HS3ST4: variants seen among roughly 807,000 people sequenced by gnomAD.
HS3ST4 encodes the protein heparan sulfate-glucosamine 3-sulfotransferase 4.
Under a neutral mutation model 29.2 loss-of-function variants are expected in HS3ST4, and 17 were observed. The ratio of observed to expected loss-of-function variants is 0.58; its 90% CI spans 0.40 to 0.87. The LOEUF is 0.87. Among genes scored for constraint, HS3ST4 ranks in the 40% least tolerant of loss-of-function variants. HS3ST4 has a pLI of 0.00. For missense variants in HS3ST4, 627 were observed against 634.5 expected, an observed-to-expected ratio of 0.99 and a Z score of 0.13; for synonymous variants, 314 against 285.7, an observed-to-expected ratio of 1.10 and a Z score of -1.00.
chr16:26,084,977 A>G (rs978679749), intron 1 of HS3ST4, among the ~76,000 whole-genome samples: 2 of 152,158 alleles, frequency 1.3e-5, no homozygotes, highest in Admixed American at 6.5e-5. Context: ...TGCTAATAGC[A>G]TAATGCTCCC....
chr16:25,844,325 T>G (rs540387039), intron 1 of HS3ST4, among the ~76,000 whole-genome samples: 3 of 152,220 alleles, frequency 2.0e-5, no homozygotes, highest in African/African-American at 7.2e-5. Context: ...AACTAGAAAT[T>G]TATTTTTATT....
Position 25,692,744 on chromosome 16 carries a change from G to T in HS3ST4, c.327G>T (p.Gly109=). 7.7e-7 allele frequency: 1 copy of T among 1,290,946 alleles called. No individual in the cohort carries two copies. The highest frequency in any genetic ancestry group is 9.8e-7 in the Non-Finnish European group (1 of 1,024,108). 80.0% of individuals were successfully genotyped at this position (1,290,946 alleles called of 1,614,324 possible). A position where few individuals can be genotyped will look rare whatever the true frequency, so the allele number is the denominator to read the frequency against. The stretch of plus-strand genomic sequence containing the variant: ...CGCCGCTGGACAACGCGAGCCACGG[G>T]GAGCCGCCCGAGCCCCCAGAGCAGC... ...APPPLDNASH[G]EPPEPPEQPA... Residue 109 remains glycine (G), a synonymous_variant, in exon 1 of 2, where the codon GGG becomes GGT. Coordinates refer to ENST00000331351, the MANE Select transcript of HS3ST4 (RefSeq NM_006040.3).
At chr16:25,956,977 A>C (rs1052511967) in intron 1 of HS3ST4, among the ~76,000 whole-genome samples, 3 of 148,306 alleles carry the variant, frequency 2.0e-5, no homozygotes, top group Non-Finnish European at 3.0e-5. Context: ...CAGCCTGGGC[A>C]ACAGAGCGAG....
At chr16:25,863,287 T>A (rs538210813) in intron 1 of HS3ST4, among the ~76,000 whole-genome samples, 1 of 152,254 alleles carries the variant, frequency 6.6e-6, no homozygotes, top group East Asian at 1.9e-4. Context: ...TTCACCATGT[T>A]GGCCAGGATG....
chr16:25,926,583 G>A (rs1054500427), intron 1 of HS3ST4, among the ~76,000 whole-genome samples: 2 of 152,210 alleles, frequency 1.3e-5, no homozygotes, highest in Non-Finnish European at 2.9e-5. Flanking sequence ...TGTGCCAGAT[G>A]CCTGCTCAGT....
At chr16:26,120,795 A>T (rs966197794) in intron 1 of HS3ST4, among the ~76,000 whole-genome samples, 14 of 152,266 alleles carry the variant, frequency 9.2e-5, no homozygotes, top group African/African-American at 3.4e-4. Context: ...CACAAGGAAG[A>T]AACACATACA....
At chr16:25,714,242 C>T (rs74014823) in intron 1 of HS3ST4, among the ~76,000 whole-genome samples, 394 of 152,308 alleles carry the variant, frequency 2.6e-3, no homozygotes, top group African/African-American at 9.1e-3. Context: ...ACTCTCTCCA[C>T]GGCTCATCAT....
chr16:26,121,719 G>A (rs1033982195), intron 1 of HS3ST4, among the ~76,000 whole-genome samples: 1 of 152,118 alleles, frequency 6.6e-6, no homozygotes, highest in African/African-American at 2.4e-5. Flanking sequence ...AAGCACGAGT[G>A]CCTGTGCAGA....
chr16:26,028,580 G>C (rs539817229), intron 1 of HS3ST4, among the ~76,000 whole-genome samples: 16 of 152,102 alleles, frequency 1.1e-4, no homozygotes, highest in Non-Finnish European at 1.9e-4. Flanking sequence ...CCTGAGAGAG[G>C]CTTCTTGATC....
At chr16:25,781,278 T>C (rs953307815) in intron 1 of HS3ST4, among the ~76,000 whole-genome samples, 2 of 152,184 alleles carry the variant, frequency 1.3e-5, no homozygotes, top group Non-Finnish European at 1.5e-5. Flanking sequence ...AGTAGGCTCT[T>C]TTGCTCATGA....
At chr16:26,080,223 A>G (rs1284389957) in intron 1 of HS3ST4, among the ~76,000 whole-genome samples, 1 of 151,988 alleles carries the variant, frequency 6.6e-6, no homozygotes, top group Non-Finnish European at 1.5e-5. Flanking sequence ...TCACCAACCA[A>G]CACTTTTAGG....
At chr16:25,824,509 C>T (rs192513645) in intron 1 of HS3ST4, among the ~76,000 whole-genome samples, 26 of 152,224 alleles carry the variant, frequency 1.7e-4, no homozygotes, top group East Asian at 9.7e-4. Flanking sequence ...AGAGCTTGTG[C>T]GGGGGAGCTC....
chr16:25,873,506 C>T (rs1378304199), intron 1 of HS3ST4, among the ~76,000 whole-genome samples: 1 of 150,004 alleles, frequency 6.7e-6, no homozygotes, highest in African/African-American at 2.5e-5. Flanking sequence ...ATCTATCTAT[C>T]TATCTATCTA....
chr16:25,763,476 T>C (rs1966801092), intron 1 of HS3ST4, among the ~76,000 whole-genome samples: 1 of 152,180 alleles, frequency 6.6e-6, no homozygotes, highest in African/African-American at 2.4e-5. Flanking sequence ...AGGCAAACCC[T>C]TGAGTGTCAA....
At chr16:25,751,174 C>A (rs1417740549) in intron 1 of HS3ST4, among the ~76,000 whole-genome samples, 1 of 152,202 alleles carries the variant, frequency 6.6e-6, no homozygotes, top group East Asian at 1.9e-4. Context: ...AGGTTCTGAC[C>A]ATGGCCCGGT....
At chr16:25,776,873 A>T (rs1966847960) in intron 1 of HS3ST4, among the ~76,000 whole-genome samples, 1 of 152,184 alleles carries the variant, frequency 6.6e-6, no homozygotes, top group South Asian at 2.1e-4. Context: ...GGAGACTGAG[A>T]TGTCATGTTC....
intron 1 of HS3ST4, among the ~76,000 whole-genome samples, chr16:25,822,065 C>T (rs1345152970): frequency 6.6e-6 from 1 of 152,054 alleles, no homozygotes; most frequent in Non-Finnish European, 1.5e-5. Flanking sequence ...ATGTCTAGGC[C>T]CAGTCTATTC....
chr16:25,976,709 A>G (rs2141720190), intron 1 of HS3ST4, among the ~76,000 whole-genome samples: 1 of 152,308 alleles, frequency 6.6e-6, no homozygotes, highest in Non-Finnish European at 1.5e-5. Flanking sequence ...TGAGTCTGGG[A>G]ACAGTACCTA....
At chr16:25,825,873 T>C (rs1967209739) in intron 1 of HS3ST4, 1 of 152,182 alleles carries the variant, frequency 6.6e-6, no homozygotes, top group African/African-American at 2.4e-5. Flanking sequence ...CGCTGAAGAG[T>C]AGATCACTCA....
Sources: gnomAD v4.1 joint callset for allele counts (sites outside exome capture counted in the v4.1 genomes callset) on GRCh38, gnomAD v4.1.1 for gene constraint, MANE v1.5 for transcripts, NCBI Gene and HGNC (gene_info 2026-07-23, HGNC 2026-07-21) for gene names.